Variants in GPAT3 observed in about 807,000 individuals in gnomAD.
GPAT3 encodes the protein glycerol-3-phosphate acyltransferase 3.
A neutral mutation model predicts 58.8 loss-of-function variants in GPAT3; 53 were observed. The ratio of observed to expected loss-of-function variants is 0.90; its 90% CI spans 0.72 to 1.13. GPAT3 has a LOEUF of 1.13. Ranked by LOEUF, GPAT3 falls within the 50% of genes most tolerant of loss-of-function variation. The probability of loss-of-function intolerance (pLI) is 0.00; values close to 1 mark genes in which losing one functional copy is unlikely to be tolerated. For synonymous variants in GPAT3, 197 were observed against 187.4 expected, an observed-to-expected ratio of 1.05 and a Z score of -0.42; for missense variants, 511 against 527.6, an observed-to-expected ratio of 0.97 and a Z score of 0.31.
rs1724099924 is a variant in GPAT3 at position 83,536,618 on chromosome 4, G to A, written c.-5G>A. On this transcript the variant is annotated 5_prime_UTR_variant, in exon 1 of 12. Coordinates refer to ENST00000264409, the MANE Select transcript of GPAT3 (RefSeq NM_032717.5). ...CGGACCTCTCCTGAGTGGGTGCGCC[G>A]AGTCATGGAGGGCGCAGAGCTGGCC... The A allele has an allele frequency of 2.5e-6, 4 of 1,611,560 alleles. No homozygotes were observed. The highest frequency in any genetic ancestry group is 3.4e-6 in the Non-Finnish European group (4 of 1,179,590).
Position 83,588,233 on chromosome 4 carries a change from T to C in GPAT3, c.578T>C (p.Leu193Pro), listed in dbSNP as rs1726459842. 1 of 1,614,052 alleles carries C rather than the reference T, an allele frequency of 6.2e-7. No homozygotes were observed. Among genetic ancestry groups the C allele is most frequent in the African/African-American group, 1.3e-5 (1 of 75,044 alleles). ...DSSLKNWLSE[L>P]VHLTCCRICV... Reference sequence around the variant, plus strand: ...AGCCTCAAAAACTGGCTGAGTGAACTGGTCCATCTGACTTGCTGCCGGATC... The same window carrying C: ...AGCCTCAAAAACTGGCTGAGTGAACCGGTCCATCTGACTTGCTGCCGGATC... Residue 193 changes from leucine (L) to proline (P), a missense_variant, in exon 5 of 12, where the codon CTG becomes CCG. Leu to Pro is a moderately conservative substitution (Grantham distance 98). Transcript: ENST00000264409.
chr4:83,591,042 G>T (rs917392662), intron 6 of GPAT3, among the ~76,000 whole-genome samples: 1 of 152,148 alleles, frequency 6.6e-6, no homozygotes, highest in Non-Finnish European at 1.5e-5. Context: ...GGCATAGAAT[G>T]CCTGGACAAG....
At position 83,536,475 on chromosome 4, in the gene GPAT3, T is replaced by A. The variant is rs993191377; in HGVS notation, c.-148T>A. 10 of 1,459,660 alleles carry A rather than the reference T, an allele frequency of 6.9e-6. No homozygotes were observed. The highest frequency in any genetic ancestry group is 8.1e-6 in the Non-Finnish European group (9 of 1,112,538). The allele number at this position is 1,459,660 out of a possible 1,614,324, so 90.4% of individuals were successfully genotyped here. A position where few individuals can be genotyped will look rare whatever the true frequency, so the allele number is the denominator to read the frequency against. The stretch of plus-strand genomic sequence containing the variant: ...AAGGATATTGCCGTAATTCTGAAAG[T>A]TTTTTTCCTTCCTCTCTTCCCTTCG... On this transcript the variant is annotated 5_prime_UTR_variant, in exon 1 of 12. Transcript: ENST00000264409.
At chr4:83,595,792 C>T (rs1726802867) in intron 7 of GPAT3, among the ~76,000 whole-genome samples, 1 of 152,092 alleles carries the variant, frequency 6.6e-6, no homozygotes, top group South Asian at 2.1e-4. Flanking sequence ...AGATGAGCTA[C>T]CAGAAACCTT....
intron 11 of GPAT3, 124 bp from the exon 12 acceptor site, chr4:83,604,542 GTT>G (rs1727185261): frequency 3.1e-6 from 2 of 651,434 alleles, no homozygotes; most frequent in Non-Finnish European, 4.9e-6. Context: ...CAAATCCAGT[GTT>G]CTTTCCCTTA....
chr4:83,603,037 G>A (rs192359448), intron 11 of GPAT3, among the ~76,000 whole-genome samples: 20 of 152,280 alleles, frequency 1.3e-4, no homozygotes, highest in Admixed American at 1.2e-3. Flanking sequence ...TGTCTCTGTG[G>A]AGGTCAAGTT....
At chr4:83,561,392 T>C (rs980401065) in intron 2 of GPAT3, among the ~76,000 whole-genome samples, 3 of 152,206 alleles carry the variant, frequency 2.0e-5, no homozygotes, top group Non-Finnish European at 4.4e-5. Context: ...TTTTCAAGAT[T>C]GGCAAGCTTT....
At chr4:83,579,011 T>TCC in intron 2 of GPAT3, among the ~76,000 whole-genome samples, 1 of 129,166 alleles carries the variant, frequency 7.7e-6, no homozygotes, top group South Asian at 2.6e-4. Context: ...CTTCCTTCCT[T>TCC]CTTTCCCTTT....
chr4:83,588,402 G>C (rs1432654004), intron 5 of GPAT3, 103 bp downstream of exon 5: 6 of 1,072,542 alleles, frequency 5.6e-6, no homozygotes, highest in Non-Finnish European at 8.4e-6. Flanking sequence ...TGGAGTCAGA[G>C]TGCTTCCAAT....
chr4:83,582,756 C>T (rs576175942), intron 3 of GPAT3, among the ~76,000 whole-genome samples: 34 of 151,762 alleles, frequency 2.2e-4, no homozygotes, highest in African/African-American at 7.7e-4. Context: ...ATGCAGATTT[C>T]TAAGAAATTA....
intron 2 of GPAT3, among the ~76,000 whole-genome samples, chr4:83,563,478 C>CTTTT (rs908400401): frequency 2.0e-3 from 229 of 114,484 alleles, no homozygotes; most frequent in Non-Finnish European, 2.7e-3. Flanking sequence ...TTTCTTTCTT[C>CTTTT]TTTTTTTTTT....
chr4:83,591,638 C>T (rs1448808458), intron 6 of GPAT3, among the ~76,000 whole-genome samples: 1 of 152,160 alleles, frequency 6.6e-6, no homozygotes, highest in Non-Finnish European at 1.5e-5. Context: ...CTCATGTTAA[C>T]ACCCTAGACC....
intron 2 of GPAT3, among the ~76,000 whole-genome samples, chr4:83,580,539 C>T (rs551285163): frequency 6.6e-6 from 1 of 152,162 alleles, no homozygotes; most frequent in Middle Eastern, 3.2e-3. Flanking sequence ...TATCTTCAGT[C>T]TTTTCATTGC....
rs1482313249 is a variant in GPAT3, at chr4:83,592,875, C to CT, written c.739-1961dup. On this transcript the variant is annotated intron_variant, in intron 6 of 11. Coordinates refer to ENST00000264409, the MANE Select transcript of GPAT3 (RefSeq NM_032717.5). ...TTTAATATATTTATATTTAACATTT[C>CT]TTTTTTTTTGAGACAGCACCTCACT... Among the ~76,000 whole-genome samples the CT allele has an allele frequency of 2.7e-3, 407 of 151,178 alleles. 1 individual carries two copies. Among genetic ancestry groups the CT allele is most frequent in the African/African-American group, 9.3e-3 (383 of 41,278 alleles).
chr4:83,536,884 G>C, intron 1 of GPAT3, 121 bp downstream of exon 1: 1 of 876,640 alleles, frequency 1.1e-6, no homozygotes, highest in Non-Finnish European at 1.7e-6. Flanking sequence ...GCATGCGTGC[G>C]TGCATTTCTG....
At chr4:83,566,419 T>TTA (rs141548038) in intron 2 of GPAT3, among the ~76,000 whole-genome samples, 5 of 143,594 alleles carry the variant, frequency 3.5e-5, no homozygotes, top group African/African-American at 5.2e-5. Context: ...AATTAATTAA[T>TTA]TTATTATTAT....
At chr4:83,543,955 G>A (rs1724406546) in intron 1 of GPAT3, among the ~76,000 whole-genome samples, 1 of 152,002 alleles carries the variant, frequency 6.6e-6, no homozygotes, top group Non-Finnish European at 1.5e-5. Flanking sequence ...TGATTTCATC[G>A]AGTCCTTTCC....
At chr4:83,595,131 G>T (rs1163386988) in intron 7 of GPAT3, 171 bp downstream of exon 7, 6 of 551,354 alleles carry the variant, frequency 1.1e-5, no homozygotes, top group Non-Finnish European at 1.9e-5. Flanking sequence ...TTTAAAAAAT[G>T]TAATTCTGTA....
intron 2 of GPAT3, among the ~76,000 whole-genome samples, chr4:83,565,717 C>T (rs1483550326): frequency 1.3e-5 from 2 of 152,168 alleles, no homozygotes; most frequent in South Asian, 2.1e-4. Flanking sequence ...CCGAGTCCGG[C>T]GGAGACAAAG....
Sources: gnomAD v4.1 joint callset for allele counts (sites outside exome capture counted in the v4.1 genomes callset) on GRCh38, gnomAD v4.1.1 for gene constraint, MANE v1.5 for transcripts, NCBI Gene and HGNC (gene_info 2026-07-23, HGNC 2026-07-21) for gene names.